The following ACAP1 variants were observed in gnomAD, a reference collection of about 807,000 sequenced individuals.
ACAP1 encodes arf-GAP with coiled-coil, ANK repeat and PH domain-containing protein 1.
In ACAP1, 45 loss-of-function variants were observed where a neutral mutation model predicts 98.8. The observed-to-expected ratio is 0.46, with a 90% CI of 0.36 to 0.58. ACAP1 has a LOEUF of 0.58. Ranked by LOEUF, ACAP1 falls within the 20% of genes least tolerant of loss-of-function variation. The probability of loss-of-function intolerance (pLI) is 0.00; values close to 1 mark genes in which losing one functional copy is unlikely to be tolerated. For missense variants in ACAP1, 735 were observed against 971.4 expected (o/e 0.76, Z 3.24); for synonymous variants, 362 against 375.3 (o/e 0.96, Z 0.41).
chr17:7,343,874 T>C lies in ACAP1; in HGVS notation c.587T>C (p.Val196Ala), dbSNP rs1250371049. 2 of 1,613,504 alleles carry C rather than the reference T, an allele frequency of 1.2e-6. No homozygotes were observed. Among genetic ancestry groups the C allele is most frequent in the Admixed American group, 1.7e-5 (1 of 59,914 alleles). ...FDIMEFVLRL[V>A]EAQATHFQQG... ...CTTGTCCCCCAGGTGCTGCGTTTGG[T>C]GGAGGCCCAGGCTACCCATTTCCAG... The change falls in exon 8 of 22, where the codon GTG (valine) becomes GCG (alanine). Residue 196 changes from valine to alanine, a missense_variant. Transcript: ENST00000158762. The surrounding 1 kb of genome is among the most constrained non-coding windows in gnomAD (Gnocchi z 4.9).
intron 2 of ACAP1, among the ~76,000 whole-genome samples, chr17:7,339,410 A>G (rs2073253657): frequency 6.6e-6 from 1 of 152,158 alleles, no homozygotes; most frequent in Non-Finnish European, 1.5e-5. Context: ...GGACTTCGAG[A>G]ACAGCCTGAC....
chr17:7,349,384 T>G (rs2073379912), intron 18 of ACAP1: 1 of 521,790 alleles, frequency 1.9e-6, no homozygotes, highest in Non-Finnish European at 3.3e-6. Context: ...GGAGACTTTT[T>G]TTTTTTTTTT....
rs2073343753 is a variant in ACAP1, at chr17:7,346,154, A to G, written c.855-90A>G. On this transcript the variant is annotated intron_variant, in intron 10 of 21. Transcript: ENST00000158762. Reference sequence around the variant, plus strand: ...AGTCAGCCCAGGTGTCTGTCCTCTCAGTAAGATCCTCATGGGCAAAAAGCA... The same window carrying G: ...AGTCAGCCCAGGTGTCTGTCCTCTCGGTAAGATCCTCATGGGCAAAAAGCA... 8 of 1,237,720 alleles carry G rather than the reference A, an allele frequency of 6.5e-6. No individual in the cohort carries two copies. The Admixed American group carries it at 1.2e-4, about 18-fold the overall frequency. The allele number at this position is 1,237,720 out of a possible 1,614,324, so 76.7% of individuals were successfully genotyped here.
At chr17:7,337,503 A>G in intron 2 of ACAP1, 134 bp downstream of exon 2, 2 of 802,054 alleles carry the variant, frequency 2.5e-6, no homozygotes, top group East Asian at 2.6e-5. Flanking sequence ...TGGAGACTGC[A>G]GAGAAGCAAA....
rs184590297 is a variant in ACAP1 at position 7,350,692 on chromosome 17, C to A, written c.2073-258C>A. 1,144 of 472,596 alleles carry A rather than the reference C, an allele frequency of 2.4e-3. 19 individuals carry two copies. The highest frequency in any genetic ancestry group is 0.019 in the African/African-American group (976 of 50,582). 29.3% of individuals were successfully genotyped at this position (472,596 alleles called of 1,614,324 possible). On this transcript the variant is annotated intron_variant, in intron 20 of 21. Transcript: ENST00000158762. The surrounding 1 kb of genome is among the most constrained non-coding windows in gnomAD (Gnocchi z 4.6). The stretch of plus-strand genomic sequence containing the variant: ...GGCGCGATCTCGGCTCACTGCAACC[C>A]CCGCCTCCCGGGTTCAAGCGATTCT...
At chr17:7,339,983 G>A (rs1445356832) in intron 2 of ACAP1, among the ~76,000 whole-genome samples, 3 of 152,080 alleles carry the variant, frequency 2.0e-5, no homozygotes, top group South Asian at 2.1e-4. Context: ...TGCTGCTGCC[G>A]GGTGTGGTCG....
rs1376926764 is a variant in ACAP1, at chr17:7,348,174, C to T, written c.1461C>T (p.Ala487=). ...GNVIINQIYE[A]RVEAMAVKKP... ...TCATCATCAACCAGATCTATGAGGC[C>T]CGCGTGGAGGCCATGGCAGTGAAGA... The change falls in exon 16 of 22, where the codon GCC becomes GCT. Residue 487 remains alanine (A), a synonymous_variant. Transcript: ENST00000158762. The T allele has an allele frequency of 6.2e-7, 1 of 1,614,050 alleles. No homozygotes were observed.
intron 18 of ACAP1, chr17:7,349,379 C>CT (rs1393015366): frequency 0.17 from 65,816 of 387,090 alleles, 2,326 homozygotes; most frequent in Middle Eastern, 0.22. Flanking sequence ...TTACAGGAGA[C>CT]TTTTTTTTTT....
chr17:7,343,947 G>A lies in ACAP1; in HGVS notation c.660G>A (p.Leu220=), dbSNP rs1166609070. 3.8e-6 allele frequency: 6 copies of A among 1,590,970 alleles called. No homozygotes were observed. The highest frequency in any genetic ancestry group is 1.3e-5 in the African/African-American group (1 of 74,274). Residue 220 remains leucine, a synonymous_variant, in exon 8 of 22, where the codon CTG becomes CTA. Transcript: ENST00000158762. This position sits in a 1 kb window ranked among gnomAD's most constrained non-coding sequence, Gnocchi z 4.9. ...GGCTGTCCCAGTATCGAAAGGAGCT[G>A]GGCGCCCAGGTGGGGCCCCAGGGCA... ...LSRLSQYRKE[L]GAQLHQLVLN...
intron 5 of ACAP1, 100 bp downstream of exon 5, chr17:7,342,574 T>A: frequency 7.6e-7 from 1 of 1,318,882 alleles, no homozygotes; most frequent in Non-Finnish European, 1.1e-6. Context: ...GACACCAACC[T>A]AGCCAACATG....
rs1402998580 is a variant in ACAP1 at position 7,344,157 on chromosome 17, A to G, written c.744+34A>G. The stretch of plus-strand genomic sequence containing the variant: ...CCAGGTGCGGTGGCCCACGACCGTC[A>G]TCCCAACATGTTGGGAGGCTGAGGT... On this transcript the variant is annotated intron_variant, in intron 9 of 21. Coordinates refer to ENST00000158762, the MANE Select transcript of ACAP1 (RefSeq NM_014716.4). This position sits in a 1 kb window ranked among gnomAD's most constrained non-coding sequence, Gnocchi z 4.9. 4 of 1,551,500 alleles carry G rather than the reference A, an allele frequency of 2.6e-6. No individual in the cohort carries two copies. The Admixed American group carries it at 5.9e-5, about 23-fold the overall frequency.
chr17:7,344,267 C>A lies in ACAP1; in HGVS notation c.744+144C>A. 3.0e-6 allele frequency: 3 copies of A among 992,976 alleles called. No individual in the cohort carries two copies. The highest frequency in any genetic ancestry group is 4.5e-6 in the Non-Finnish European group (3 of 666,232). The allele number at this position is 992,976 out of a possible 1,614,324, so 61.5% of individuals were successfully genotyped here. On this transcript the variant is annotated intron_variant, in intron 9 of 21. Coordinates refer to ENST00000158762, the MANE Select transcript of ACAP1 (RefSeq NM_014716.4). The surrounding 1 kb of genome is among the most constrained non-coding windows in gnomAD (Gnocchi z 4.9). ...TCTCTACAGAAAATTTTAAAATTAG[C>A]TGGTGTGGTGGCATGCACCTCTAGT...
At chr17:7,347,321 C>A in intron 14 of ACAP1, 79 bp downstream of exon 14, 2 of 1,320,406 alleles carry the variant, frequency 1.5e-6, no homozygotes, top group Non-Finnish European at 2.1e-6. Context: ...ATCACACCGG[C>A]CCCTCTTCCT....
chr17:7,346,393 C>A lies in ACAP1; in HGVS notation c.909C>A (p.Asp303Glu). The A allele has an allele frequency of 6.2e-7, 1 of 1,613,992 alleles. No individual in the cohort carries two copies. Among genetic ancestry groups the A allele is most frequent in the Non-Finnish European group, 8.5e-7 (1 of 1,179,900 alleles). The change falls in exon 12 of 22, where the codon GAC becomes GAA. Residue 303 changes from aspartate to glutamate, a missense_variant and splice_region_variant. Asp to Glu is a conservative substitution (Grantham distance 45). This residue lies in a region of ACAP1 where 430 missense variants were observed against 531.8 expected (regional missense o/e 0.81). Transcript: ENST00000158762. ...CCCTTATCACCTTATCCTGCCAGGA[C>A]CCTGTGACTGTGGTGGTGGATGACC... ...NQLVYQKKYK[D>E]PVTVVVDDLR...
At position 7,342,431 on chromosome 17, in the gene ACAP1, A is replaced by G; in HGVS notation, c.301A>G (p.Thr101Ala). Residue 101 changes from threonine to alanine, a missense_variant, in exon 5 of 22, where the codon ACC becomes GCC. Physicochemically the swap from Thr to Ala is moderately conservative, Grantham distance 58. Coordinates refer to ENST00000158762, the MANE Select transcript of ACAP1 (RefSeq NM_014716.4). ...CTTCCCTCAGGAGCTTCTAGATGCC[A>G]CCCAACACACACTGCAGCAGCAGAT... is the stretch of plus-strand genomic sequence containing the variant. ...LDSHAELLDATQHTLQQQIQT... is the reference protein window; with the variant it reads ...LDSHAELLDAAQHTLQQQIQT... 3 of 1,614,102 alleles carry G rather than the reference A, an allele frequency of 1.9e-6. No individual in the cohort carries two copies. The highest frequency in any genetic ancestry group is 2.5e-6 in the Non-Finnish European group (3 of 1,180,020).
At position 7,342,271 on chromosome 17, in the gene ACAP1, C is replaced by G; in HGVS notation, c.232-4C>G. On this transcript the variant is annotated splice_polypyrimidine_tract_variant and splice_region_variant and intron_variant, in intron 3 of 21. Coordinates refer to ENST00000158762, the MANE Select transcript of ACAP1 (RefSeq NM_014716.4). ...GTACTCTTTCTGTGCCTCTTCTTGC[C>G]TAGGAGTGTCTGGAAAAATTCACCG... 1 of 1,614,072 alleles carries G rather than the reference C, an allele frequency of 6.2e-7. No homozygotes were observed. The highest frequency in any genetic ancestry group is 1.3e-5 in the African/African-American group (1 of 75,024).
At chr17:7,347,816 G>A (rs867731012) in intron 14 of ACAP1, 106 bp from the exon 15 acceptor site, 10 of 916,958 alleles carry the variant, frequency 1.1e-5, no homozygotes, top group African/African-American at 6.5e-5. Context: ...ACCTCTGCAC[G>A]GGCCCCCATG....
Position 7,342,073 on chromosome 17 carries a change from C to A in ACAP1, c.231+6C>A, listed in dbSNP as rs757441873. On this transcript the variant is annotated splice_donor_region_variant and intron_variant, in intron 3 of 21. Transcript: ENST00000158762. ...CACCAGAGCCCATGATGGCGGTATGCGGAGGGTCTGCATCTGGGAGGGAAG... is the reference window on the plus strand; with the variant it reads ...CACCAGAGCCCATGATGGCGGTATGAGGAGGGTCTGCATCTGGGAGGGAAG... 1.2e-6 allele frequency: 2 copies of A among 1,613,446 alleles called. No individual in the cohort carries two copies.
Position 7,347,997 on chromosome 17 carries a change from T to C in ACAP1, c.1413+6T>C. On this transcript the variant is annotated splice_donor_region_variant and intron_variant, in intron 15 of 21. Transcript: ENST00000158762. ...GGGAGCCAGAACTAGTGAAGGTAAC[T>C]TAGCGTATTGTGAAGATTGGGGGCA... 1 of 1,613,868 alleles carries C rather than the reference T, an allele frequency of 6.2e-7. No homozygotes were observed. The highest frequency in any genetic ancestry group is 8.5e-7 in the Non-Finnish European group (1 of 1,179,688).
Sources: gnomAD v4.1 joint callset for allele counts (sites outside exome capture counted in the v4.1 genomes callset) on GRCh38, gnomAD v4.1.1 for gene constraint, gnomAD v4.1.1 regional missense constraint, Gnocchi (gnomAD v3.1) non-coding constraint, MANE v1.5 for transcripts, NCBI Gene and HGNC (gene_info 2026-07-23, HGNC 2026-07-21) for gene names.